The following TLE4 variants were observed in gnomAD, a reference collection of about 807,000 sequenced individuals.
TLE4 encodes TLE family member 4, transcriptional corepressor, also known as transducin-like enhancer protein 4.
TLE4 carries 8 observed loss-of-function variants against 92.8 expected under a neutral mutation model. The observed-to-expected ratio is 0.09, with a 90% confidence interval of 0.05 to 0.16. The LOEUF (loss-of-function observed/expected upper bound fraction) is 0.16, where lower values mean the gene tolerates loss of function less well. Ranked by LOEUF, TLE4 falls within the 10% of genes least tolerant of loss-of-function variation. The probability of loss-of-function intolerance (pLI) is 1.00; values close to 1 mark genes in which losing one functional copy is unlikely to be tolerated. For missense variants in TLE4, 675 were observed against 997.6 expected (o/e 0.68, Z 4.36); for synonymous variants, 371 against 374.1 (o/e 0.99, Z 0.10).
intron 8 of TLE4, among the ~76,000 whole-genome samples, chr9:79,677,588 C>G (rs1365812830): frequency 2.0e-5 from 3 of 147,934 alleles, no homozygotes; most frequent in Non-Finnish European, 4.5e-5. Context: ...GTCCTGATAA[C>G]TTGTTATAGT....
At chr9:79,654,950 T>C (rs2059566143) in intron 8 of TLE4, among the ~76,000 whole-genome samples, 1 of 152,202 alleles carries the variant, frequency 6.6e-6, no homozygotes, top group South Asian at 2.1e-4. Flanking sequence ...GAGACCATCC[T>C]GGCCAACATG....
chr9:79,575,291 A>G (rs1020378590), intron 3 of TLE4, among the ~76,000 whole-genome samples: 2 of 152,136 alleles, frequency 1.3e-5, no homozygotes, highest in African/African-American at 4.8e-5. Context: ...GCTCCAAACA[A>G]TTTTTGCCAG....
intron 6 of TLE4, among the ~76,000 whole-genome samples, chr9:79,628,795 G>A (rs2053377256): frequency 6.6e-6 from 1 of 151,694 alleles, no homozygotes; most frequent in Non-Finnish European, 1.5e-5. Context: ...TTCGCAATTG[G>A]TTTTCGTTTC....
intron 4 of TLE4, among the ~76,000 whole-genome samples, chr9:79,586,922 C>A (rs2041253074): frequency 6.6e-6 from 1 of 152,040 alleles, no homozygotes; most frequent in African/African-American, 2.4e-5. Flanking sequence ...AATGGACTAC[C>A]CATCAACTCA....
At position 79,654,911 on chromosome 9, in the gene TLE4, A is replaced by G. The variant is rs372899466; in HGVS notation, c.609+836A>G. ...GTAATCCCAGCATATTGGGAGGCCG[A>G]GGTGGGCGGATCGTGAGGTCAAGAG... On this transcript the variant is annotated intron_variant, in intron 8 of 19. Coordinates refer to ENST00000376552, the MANE Select transcript of TLE4 (RefSeq NM_007005.6). Among the ~76,000 whole-genome samples the G allele has an allele frequency of 1.4e-4, 22 of 152,328 alleles. No homozygotes were observed. The East Asian group carries it at 3.3e-3, about 23-fold the overall frequency.
intron 14 of TLE4, among the ~76,000 whole-genome samples, chr9:79,717,670 T>C (rs1032025934): frequency 5.3e-5 from 8 of 152,264 alleles, no homozygotes; most frequent in Admixed American, 1.3e-4. Context: ...AATTTAATTC[T>C]ACAACTTCCG....
intron 4 of TLE4, among the ~76,000 whole-genome samples, chr9:79,606,168 T>G (rs891253983): frequency 6.8e-6 from 1 of 146,890 alleles, no homozygotes; most frequent in African/African-American, 2.5e-5. Flanking sequence ...TTTTATTGCT[T>G]TATTAAGCAG....
At chr9:79,671,533 C>G in intron 8 of TLE4, 1 of 272,632 alleles carries the variant, frequency 3.7e-6, no homozygotes, top group South Asian at 3.7e-5. Flanking sequence ...GGAGTATACC[C>G]AACAGATGCT....
At chr9:79,690,841 G>A (rs1485762660) in intron 8 of TLE4, among the ~76,000 whole-genome samples, 1 of 125,930 alleles carries the variant, frequency 7.9e-6, no homozygotes, top group South Asian at 2.6e-4. Context: ...TCGCCATGCT[G>A]CCCAGTCTGG....
rs911258193 is a variant in TLE4 at position 79,725,046 on chromosome 9, T to C, written c.2224T>C (p.Ser742Pro). The C allele has an allele frequency of 6.2e-7, 1 of 1,613,256 alleles. No individual in the cohort carries two copies. Among genetic ancestry groups the C allele is most frequent in the Non-Finnish European group, 8.5e-7 (1 of 1,179,454 alleles). The change falls in exon 20 of 20, where the codon TCC (serine) becomes CCC (proline). Residue 742 changes from serine to proline, a missense_variant. By Grantham distance (74) the Ser-to-Pro change is moderately conservative. This residue lies in a region of TLE4 where 170 missense variants were observed against 359.6 expected (regional missense o/e 0.47). Transcript: ENST00000376552. ...TATGTTTCTTTCCTAGTCCAAAGAATCCTCATCGGTGCTTAGCTGTGACAT... is the reference window on the plus strand; with the variant it reads ...TATGTTTCTTTCCTAGTCCAAAGAACCCTCATCGGTGCTTAGCTGTGACAT... The part of the protein sequence containing the change: ...YGASIFQSKE[S>P]SSVLSCDISV...
chr9:79,573,825 A>T, intron 2 of TLE4, 39 bp downstream of exon 2: 1 of 1,438,658 alleles, frequency 7.0e-7, no homozygotes, highest in Middle Eastern at 1.9e-4. Flanking sequence ...CTGTTTGCTT[A>T]GCTCTTGTCT....
Position 79,572,703 on chromosome 9 carries a change from T to TCCGCTG in TLE4, c.-83_-78dup. 2 of 1,445,942 alleles carry TCCGCTG rather than the reference T, an allele frequency of 1.4e-6. No homozygotes were observed. Among genetic ancestry groups the TCCGCTG allele is most frequent in the Non-Finnish European group, 1.9e-6 (2 of 1,053,984 alleles). 89.6% of individuals were successfully genotyped at this position (1,445,942 alleles called of 1,614,324 possible). On this transcript the variant is annotated 5_prime_UTR_variant, in exon 1 of 20. Transcript: ENST00000376552. ...CGCCCCTCAGACCGAGCCGGCCGCC[T>TCCGCTG]CCGCTGCCGCGGCCGCCTCCTCTTC... is the stretch of plus-strand genomic sequence containing the variant.
chr9:79,724,611 A>G (rs2076154532), intron 19 of TLE4, among the ~76,000 whole-genome samples: 1 of 152,010 alleles, frequency 6.6e-6, no homozygotes, highest in Admixed American at 6.6e-5. Flanking sequence ...TGGGAGGCCA[A>G]GGCAAGAGGA....
chr9:79,682,947 A>T (rs774973669), intron 8 of TLE4, among the ~76,000 whole-genome samples: 3 of 152,232 alleles, frequency 2.0e-5, no homozygotes, highest in Non-Finnish European at 4.4e-5. Flanking sequence ...GCTCTTACAT[A>T]GACAAAGGGA....
At chr9:79,662,352 T>A (rs938630329) in intron 8 of TLE4, among the ~76,000 whole-genome samples, 4 of 152,232 alleles carry the variant, frequency 2.6e-5, no homozygotes, top group Admixed American at 2.6e-4. Context: ...AAGTTAGTGA[T>A]GCCACCCAGT....
At chr9:79,595,880 G>GCT (rs1213985575) in intron 4 of TLE4, among the ~76,000 whole-genome samples, 1 of 128,198 alleles carries the variant, frequency 7.8e-6, no homozygotes, top group Non-Finnish European at 1.6e-5. Flanking sequence ...ACGGAGTCTT[G>GCT]CTGTCACCCA....
chr9:79,717,673 A>G (rs1470360768), intron 14 of TLE4, among the ~76,000 whole-genome samples: 1 of 152,226 alleles, frequency 6.6e-6, no homozygotes, highest in Non-Finnish European at 1.5e-5. Flanking sequence ...TTAATTCTAC[A>G]ACTTCCGCAG....
chr9:79,625,014 CTTTTTTTT>C (rs34968887), intron 5 of TLE4, among the ~76,000 whole-genome samples: 1 of 79,948 alleles, frequency 1.3e-5, no homozygotes, highest in Non-Finnish European at 2.2e-5. Flanking sequence ...TATTTCTTTT[CTTTTTTTT>C]TTTTTTTTTT....
At position 79,655,942 on chromosome 9, in the gene TLE4, TG is replaced by T. The variant is rs1587887235; in HGVS notation, c.609+1868del. Among the ~76,000 whole-genome samples, 3 of 152,178 alleles carry T rather than the reference TG, an allele frequency of 2.0e-5. No individual in the cohort carries two copies. The East Asian group carries it at 5.8e-4, about 29-fold the overall frequency. On this transcript the variant is annotated intron_variant, in intron 8 of 19. Transcript: ENST00000376552. ...TTATTCCCTCATGCAAGAGTAAGGG[TG>T]TGTTTTGAAATCATCAATAATCATT...
Sources: gnomAD v4.1 joint callset for allele counts (sites outside exome capture counted in the v4.1 genomes callset) on GRCh38, gnomAD v4.1.1 for gene constraint, gnomAD v4.1.1 regional missense constraint, MANE v1.5 for transcripts, NCBI Gene and HGNC (gene_info 2026-07-23, HGNC 2026-07-21) for gene names.